COL9A3: variants seen among roughly 807,000 people sequenced by gnomAD.
COL9A3 encodes collagen type IX alpha 3 chain, also known as collagen alpha-3(IX) chain.
COL9A3 carries 82 observed loss-of-function variants against 110.2 expected under a neutral mutation model. The ratio of observed to expected loss-of-function variants is 0.74; its 90% CI spans 0.62 to 0.89. The LOEUF (loss-of-function observed/expected upper bound fraction) is 0.89, where lower values mean the gene tolerates loss of function less well. COL9A3 is among the 40% of genes least tolerant of loss of function. The pLI is 0.00. For missense variants in COL9A3, 1,066 were observed against 981.3 expected, an observed-to-expected ratio of 1.09 and a Z score of -1.15; for synonymous variants, 494 against 403.8, an observed-to-expected ratio of 1.22 and a Z score of -2.68.
At chr20:62,819,098 A>G in intron 3 of COL9A3, 124 bp from the exon 4 acceptor site, 8 of 965,078 alleles carry the variant, frequency 8.3e-6, no homozygotes, top group Non-Finnish European at 1.3e-5. Context: ...GGGGGGACCC[A>G]GGAGAGGGGC....
chr20:62,839,545 C>T (rs992934762), intron 31 of COL9A3, among the ~76,000 whole-genome samples: 7 of 151,844 alleles, frequency 4.6e-5, no homozygotes, highest in Admixed American at 2.6e-4. Context: ...AGAAGGATCC[C>T]GAACAGTCTT....
rs1568761047 is a variant in COL9A3 at position 62,832,893 on chromosome 20, T to A, written c.1324-127T>A. 6 of 864,652 alleles carry A rather than the reference T, an allele frequency of 6.9e-6. No individual in the cohort carries two copies. The East Asian group carries it at 1.9e-4, about 28-fold the overall frequency. The allele number at this position is 864,652 out of a possible 1,614,324, so 53.6% of individuals were successfully genotyped here. A position where few individuals can be genotyped will look rare whatever the true frequency, so the allele number is the denominator to read the frequency against. On this transcript the variant is annotated intron_variant, in intron 25 of 31. Coordinates refer to ENST00000649368, the MANE Select transcript of COL9A3 (RefSeq NM_001853.4). ...CGGGTTAAAAGGCAGCCCTGGGGCC[T>A]GGGCTTTTGGCCTCGACCTTAAGAT...
chr20:62,838,856 C>T, intron 31 of COL9A3, 95 bp downstream of exon 31: 1 of 968,246 alleles, frequency 1.0e-6, no homozygotes, highest in Non-Finnish European at 1.6e-6. Context: ...GAATGGGTCT[C>T]TTTTCCTCTT....
chr20:62,837,545 A>C (rs2063646369), intron 30 of COL9A3, among the ~76,000 whole-genome samples: 1 of 152,238 alleles, frequency 6.6e-6, no homozygotes, highest in Non-Finnish European at 1.5e-5. Context: ...GCGGTGGCTC[A>C]CGCCTGTAAT....
In COL9A3 at chr20:62,826,839, G is replaced by C. The variant is rs115466848; in HGVS notation, c.792+19G>C. 1.3e-5 allele frequency: 21 copies of C among 1,612,094 alleles called. No individual in the cohort carries two copies. In the African/African-American group the frequency reaches 2.7e-4, roughly 21 times the overall value. ...GAAAGCGGTACGTGTGTCAGTGGAC[G>C]GTGGGCGCCATGCCTCGTGACCTCT... On this transcript the variant is annotated intron_variant, in intron 15 of 31. Coordinates refer to ENST00000649368, the MANE Select transcript of COL9A3 (RefSeq NM_001853.4).
At position 62,836,521 on chromosome 20, in the gene COL9A3, G is replaced by T. The variant is rs1183951573; in HGVS notation, c.1592G>T (p.Gly531Val). ...CAGCGCATCAGGGAGCTGTGTGGGGGGATGATCAGCGGTAAGTCAGCCACG... is the reference window on the plus strand; with the variant it reads ...CAGCGCATCAGGGAGCTGTGTGGGGTGATGATCAGCGGTAAGTCAGCCACG... ...SEQRIRELCG[G>V]MISEQIAQLA... The change falls in exon 29 of 32, where the codon GGG becomes GTG. Residue 531 changes from glycine to valine, a missense_variant. Gly to Val is a moderately radical substitution (Grantham distance 109). Transcript: ENST00000649368. 1 of 1,612,040 alleles carries T rather than the reference G, an allele frequency of 6.2e-7. No individual in the cohort carries two copies. Among genetic ancestry groups the T allele is most frequent in the African/African-American group, 1.3e-5 (1 of 75,050 alleles).
At position 62,828,785 on chromosome 20, in the gene COL9A3, C is replaced by T. The variant is rs770756409; in HGVS notation, c.922C>T (p.Gln308Ter). The T allele has an allele frequency of 6.2e-7, 1 of 1,612,864 alleles. No individual in the cohort carries two copies. The highest frequency in any genetic ancestry group is 8.5e-7 in the Non-Finnish European group (1 of 1,179,918). The change falls in exon 18 of 32, where the codon CAG becomes TAG. Residue 308 changes from glutamine to a stop codon, truncating the protein, a stop_gained. Coordinates refer to ENST00000649368, the MANE Select transcript of COL9A3 (RefSeq NM_001853.4). LOFTEE classifies it high-confidence loss of function. ...CCAGGGCATGCCGGGCAAGGACGGC[C>T]AGAATGGCGTGCCAGGACTCGATGG... The part of the protein sequence containing the change: ...GEPGMPGKDG[Q>*]NGVPGLDGQK...
chr20:62,828,690 GCCC>G lies in COL9A3; in HGVS notation c.901-71_901-69del. ...TTTTAGGTTGATGGGGAAGGAGGCTGCCCCCAGGGCAGGACTGTAGAGGGAGGG... is the reference window on the plus strand; with the variant it reads ...TTTTAGGTTGATGGGGAAGGAGGCTGCCAGGGCAGGACTGTAGAGGGAGGG... On this transcript the variant is annotated intron_variant, in intron 17 of 31. Coordinates refer to ENST00000649368, the MANE Select transcript of COL9A3 (RefSeq NM_001853.4). 2.6e-6 allele frequency: 4 copies of G among 1,528,400 alleles called. No individual in the cohort carries two copies. In the South Asian group the frequency reaches 4.5e-5, roughly 17 times the overall value. The allele number at this position is 1,528,400 out of a possible 1,614,324, so 94.7% of individuals were successfully genotyped here.
intron 13 of COL9A3, 73 bp downstream of exon 13, chr20:62,825,943 T>G: frequency 1.7e-5 from 25 of 1,469,186 alleles, no homozygotes; most frequent in Non-Finnish European, 2.2e-5. Flanking sequence ...TGCACATATC[T>G]ACCCCCGAGG....
chr20:62,819,740 C>T (rs1182314271), intron 4 of COL9A3, among the ~76,000 whole-genome samples, 189 bp from the exon 5 acceptor site: 1 of 152,186 alleles, frequency 6.6e-6, no homozygotes, highest in Non-Finnish European at 1.5e-5. Context: ...GCTGCCCCCT[C>T]CCTCCTCCCA....
intron 24 of COL9A3, among the ~76,000 whole-genome samples, chr20:62,830,971 G>A (rs1213069683): frequency 1.3e-5 from 2 of 151,560 alleles, no homozygotes; most frequent in East Asian, 2.0e-4. Context: ...GAGGCTGCGG[G>A]AGCCTGGGCC....
rs186240994 is a variant in COL9A3 at position 62,834,289 on chromosome 20, C to T, written c.1368+1225C>T. ...CCTCCCAAAGTGCTGGGATTACAGG[C>T]GTGAGCCGCCGTGTCAGGCCCACAG... On this transcript the variant is annotated intron_variant, in intron 26 of 31. Coordinates refer to ENST00000649368, the MANE Select transcript of COL9A3 (RefSeq NM_001853.4). Among the ~76,000 whole-genome samples, 100 of 152,330 alleles carry T rather than the reference C, an allele frequency of 6.6e-4. 2 individuals are homozygous for T. In the East Asian group the frequency reaches 0.015, roughly 23 times the overall value.
intron 30 of COL9A3, among the ~76,000 whole-genome samples, chr20:62,837,679 C>T (rs1257904784): frequency 3.3e-5 from 5 of 151,974 alleles, no homozygotes; most frequent in South Asian, 2.1e-4. Context: ...TGGTGGCACA[C>T]GCCTGTAATC....
chr20:62,832,050 C>T (rs2063601122), intron 24 of COL9A3, 104 bp from the exon 25 acceptor site: 1 of 1,142,774 alleles, frequency 8.8e-7, no homozygotes, highest in South Asian at 1.2e-5. Flanking sequence ...TTGTGCAGCA[C>T]AGATGGAGAT....
rs2063643169 is a variant in COL9A3 at position 62,837,160 on chromosome 20, CCCCCTGGG to C, written c.1686_1693del (p.Gly563ArgfsTer35). 6.2e-7 allele frequency: 1 copy of C among 1,612,934 alleles called. No homozygotes were observed. The highest frequency in any genetic ancestry group is 1.7e-5 in the Admixed American group (1 of 60,022). ...CATTGGTCGGCCCGGTCCAGCTGGC[CCCCCTGGG>C]CCCCCAGGACCCCCAGGCTCCATTG... On this transcript the variant is annotated frameshift_variant, in exon 30 of 32. Transcript: ENST00000649368. LOFTEE classifies it high-confidence loss of function.
rs61734651 is a variant in COL9A3, at chr20:62,819,980, C to T, written c.307C>T (p.Arg103Trp). Residue 103 changes from arginine (R) to tryptophan (W), a missense_variant and splice_region_variant, in exon 5 of 32, where the codon CGG becomes TGG. Physicochemically the swap from Arg to Trp is moderately radical, Grantham distance 101. Transcript: ENST00000649368. ...PPGPKGAPGERGSLGPPGPPG... is the reference protein window; with the variant it reads ...PPGPKGAPGEWGSLGPPGPPG... ...TGGACCCAAGGGTGCCCCTGGGGAA[C>T]GGGTAAGTGCCTGCGCCGAACCCAG... The T allele has an allele frequency of 0.059, 95,515 of 1,612,252 alleles. 3,307 individuals are homozygous for T. The highest frequency in any genetic ancestry group is 0.068 in the Non-Finnish European group (80,498 of 1,179,750).
intron 10 of COL9A3, among the ~76,000 whole-genome samples, chr20:62,823,308 C>T (rs914545871): frequency 3.3e-5 from 5 of 152,138 alleles, no homozygotes; most frequent in African/African-American, 7.2e-5. Context: ...TGCACTCCAG[C>T]GTGAGCAGCC....
rs942068967 is a variant in COL9A3, at chr20:62,827,939, A to G, written c.863A>G (p.Lys288Arg). The change falls in exon 17 of 32, where the codon AAG (lysine) becomes AGG (arginine). Residue 288 changes from lysine to arginine, a missense_variant. Transcript: ENST00000649368. ...GTCCTCTAGGGCAGACCTGGTCCCA[A>G]GGGAACCCCCGGAGTGGCCGGGCCA... ...PKGDLGRPGP[K>R]GTPGVAGPSG... is the part of the protein sequence containing the mutation. 3 of 1,612,862 alleles carry G rather than the reference A, an allele frequency of 1.9e-6. No homozygotes were observed. Among genetic ancestry groups the G allele is most frequent in the African/African-American group, 2.7e-5 (2 of 74,902 alleles).
chr20:62,819,149 T>G, intron 3 of COL9A3, 73 bp from the exon 4 acceptor site: 1 of 1,440,112 alleles, frequency 6.9e-7, no homozygotes, highest in Non-Finnish European at 9.7e-7. Flanking sequence ...GGAAAGCATT[T>G]TGCTTCATTG....
Sources: gnomAD v4.1 joint callset for allele counts (sites outside exome capture counted in the v4.1 genomes callset) on GRCh38, gnomAD v4.1.1 for gene constraint, MANE v1.5 for transcripts, NCBI Gene and HGNC (gene_info 2026-07-23, HGNC 2026-07-21) for gene names.